The following UPF2 variants were observed in gnomAD, a reference collection of about 807,000 sequenced individuals.
The protein encoded by UPF2 is regulator of nonsense transcripts 2.
Under a neutral mutation model 141.4 loss-of-function variants are expected in UPF2, and 17 were observed. The observed-to-expected ratio is 0.12, with a 90% CI of 0.08 to 0.18. UPF2 has a LOEUF of 0.18. UPF2 is among the 10% of genes least tolerant of loss of function. UPF2 has a pLI of 1.00. For synonymous variants in UPF2, 540 were observed against 498.0 expected (o/e 1.08, Z -1.12); for missense variants, 1,152 against 1,515.9 (o/e 0.76, Z 3.99).
At chr10:11,984,129 GTCAGGGTGGTCTGGAATCCTGACT>G (rs1157656858) in intron 8 of UPF2, among the ~76,000 whole-genome samples, 2 of 152,028 alleles carry the variant, frequency 1.3e-5, no homozygotes, top group Non-Finnish European at 2.9e-5. Flanking sequence ...CTCCATGTTG[GTCAGGGTGGTCTGGAATCCTGACT>G]TCAGGTGACC....
At chr10:12,010,940 C>T (rs1471875805) in intron 4 of UPF2, among the ~76,000 whole-genome samples, 1 of 151,712 alleles carries the variant, frequency 6.6e-6, no homozygotes, top group East Asian at 1.9e-4. Flanking sequence ...CTTTAAAGTA[C>T]TGAAAGAAAA....
chr10:11,961,013 C>G (rs908094363), intron 11 of UPF2, among the ~76,000 whole-genome samples: 1 of 151,184 alleles, frequency 6.6e-6, no homozygotes, highest in African/African-American at 2.4e-5. Flanking sequence ...TCACTTGAGC[C>G]CAGGAGTTGG....
Position 11,940,557 on chromosome 10 carries a change from T to C in UPF2, c.3378+2108A>G, listed in dbSNP as rs933157960. 1.3e-5 allele frequency among the ~76,000 whole-genome samples: 2 copies of C among 151,938 alleles called. No individual in the cohort carries two copies. Among genetic ancestry groups the C allele is most frequent in the African/African-American group, 2.4e-5 (1 of 41,188 alleles). ...TTTTGCTCATTGGTCCCTTGTTTCC[T>C]GTCCCAGAGATTAGCCAGTGGCCCA... On this transcript the variant is annotated intron_variant, in intron 18 of 21. Transcript: ENST00000357604. This position sits in a 1 kb window ranked among gnomAD's most constrained non-coding sequence, Gnocchi z 4.2.
At position 11,979,767 on chromosome 10, in the gene UPF2, T is replaced by C. The variant is rs1439355228; in HGVS notation, c.1845-602A>G. Among the ~76,000 whole-genome samples the C allele has an allele frequency of 1.3e-5, 2 of 152,116 alleles. No homozygotes were observed. The highest frequency in any genetic ancestry group is 2.9e-5 in the Non-Finnish European group (2 of 68,022). On this transcript the variant is annotated intron_variant, in intron 8 of 21. Coordinates refer to ENST00000357604, the MANE Select transcript of UPF2 (RefSeq NM_015542.4). This position sits in a 1 kb window ranked among gnomAD's most constrained non-coding sequence, Gnocchi z 6.2. ...TAAAAATAAAAAAATTAGACAGGTA[T>C]GGTGGCATGCGCCTGTAGTCACAGC...
Position 12,016,099 on chromosome 10 carries a change from GC to G in UPF2, c.1146-1916del, listed in dbSNP as rs1431641471. 2.0e-5 allele frequency among the ~76,000 whole-genome samples: 3 copies of G among 151,996 alleles called. No homozygotes were observed. The highest frequency in any genetic ancestry group is 4.4e-5 in the Non-Finnish European group (3 of 68,032). On this transcript the variant is annotated intron_variant, in intron 3 of 21. Transcript: ENST00000357604. This position sits in a 1 kb window ranked among gnomAD's most constrained non-coding sequence, Gnocchi z 4.1. ...TTAAAAATTAAAACAAAAACCCATA[GC>G]ATTTTAACATACTCATACCTATGAA...
intron 9 of UPF2, among the ~76,000 whole-genome samples, chr10:11,972,400 T>C (rs1417857289): frequency 1.3e-5 from 2 of 152,240 alleles, no homozygotes; most frequent in African/African-American, 4.8e-5. Flanking sequence ...ATTATTATTA[T>C]ACTTTAAGTT....
In UPF2 at chr10:11,992,506, C is replaced by T. The variant is rs968544619; in HGVS notation, c.1844+5166G>A. ...ACTGTCTAAATAAATAATCGCTAAG[C>T]AAACTTACAATCATAAAGTAATAAA... On this transcript the variant is annotated intron_variant, in intron 8 of 21. Coordinates refer to ENST00000357604, the MANE Select transcript of UPF2 (RefSeq NM_015542.4). This position sits in a 1 kb window ranked among gnomAD's most constrained non-coding sequence, Gnocchi z 4.1. 6.6e-6 allele frequency among the ~76,000 whole-genome samples: 1 copy of T among 152,046 alleles called. No homozygotes were observed. The highest frequency in any genetic ancestry group is 2.4e-5 in the African/African-American group (1 of 41,420).
At chr10:12,030,543 A>AAATAATAAT (rs141050401) in intron 2 of UPF2, among the ~76,000 whole-genome samples, 72 of 148,974 alleles carry the variant, frequency 4.8e-4, no homozygotes, top group Non-Finnish European at 8.7e-4. Flanking sequence ...CTGCCTCAAA[A>AAATAATAAT]AATAATAATA....
chr10:11,932,428 G>T (rs956747339), intron 19 of UPF2, among the ~76,000 whole-genome samples: 2 of 152,008 alleles, frequency 1.3e-5, no homozygotes, highest in African/African-American at 4.8e-5. Flanking sequence ...TCTTATTCAC[G>T]TATAAGATTA....
Position 12,001,782 on chromosome 10 carries a change from A to G in UPF2, c.1548T>C (p.Asp516=). Residue 516 remains aspartate (D), a synonymous_variant, in exon 6 of 22, where the codon GAT becomes GAC. Transcript: ENST00000357604. ...GATTCTCCAACTCAAGTTCCAAATC[A>G]TCGGGACTTGATACCTCCTTATTCT... ...SKENKEVSSP[D]DLELELENLE... 2.5e-6 allele frequency: 4 copies of G among 1,612,356 alleles called. No homozygotes were observed. Among genetic ancestry groups the G allele is most frequent in the Non-Finnish European group, 3.4e-6 (4 of 1,179,276 alleles).
chr10:12,017,484 G>A (rs1388714326), intron 3 of UPF2, among the ~76,000 whole-genome samples: 2 of 152,192 alleles, frequency 1.3e-5, no homozygotes, highest in Non-Finnish European at 2.9e-5. Flanking sequence ...TCCATTAAAA[G>A]TGATTTCATT....
At chr10:11,932,350 T>C (rs1039368786) in intron 19 of UPF2, among the ~76,000 whole-genome samples, 7 of 151,976 alleles carry the variant, frequency 4.6e-5, no homozygotes, top group Non-Finnish European at 1.0e-4. Flanking sequence ...ATCACAATAA[T>C]AAAATAGTAT....
rs1834750200 is a variant in UPF2, at chr10:12,042,314, G to A, written c.-19+441C>T. On this transcript the variant is annotated intron_variant, in intron 1 of 21. Coordinates refer to ENST00000357604, the MANE Select transcript of UPF2 (RefSeq NM_015542.4). The surrounding 1 kb of genome is among the most constrained non-coding windows in gnomAD (Gnocchi z 5.5). ...CTCCCTCGCCACAGAAGCCTTCCCG[G>A]CCGGTCTCCCCACTCCGCAGCCTCC... 6.6e-6 allele frequency among the ~76,000 whole-genome samples: 1 copy of A among 151,956 alleles called. No homozygotes were observed.
intron 21 of UPF2, among the ~76,000 whole-genome samples, chr10:11,927,196 C>G (rs1832724147): frequency 6.6e-6 from 1 of 152,030 alleles, no homozygotes; most frequent in Admixed American, 6.5e-5. Flanking sequence ...ACTGGATGCC[C>G]CTTATGTCAT....
chr10:11,943,477 T>G (rs937110812), intron 16 of UPF2, among the ~76,000 whole-genome samples: 1 of 152,166 alleles, frequency 6.6e-6, no homozygotes, highest in Non-Finnish European at 1.5e-5. Context: ...CTGAAACAAA[T>G]CTGGAGAGGC....
Position 11,920,624 on chromosome 10 carries a change from C to A in UPF2, c.*674G>T, listed in dbSNP as rs988945465. 2 of 197,040 alleles carry A rather than the reference C, an allele frequency of 1.0e-5. No homozygotes were observed. The highest frequency in any genetic ancestry group is 2.3e-5 in the African/African-American group (1 of 42,662). 12.2% of individuals were successfully genotyped at this position (197,040 alleles called of 1,614,324 possible). ...ATAGTAAAATAGTCTCCACATTTTTCTTTTACCTTAATAGGCAATTTTATA... is the reference window on the plus strand; with the variant it reads ...ATAGTAAAATAGTCTCCACATTTTTATTTTACCTTAATAGGCAATTTTATA... On this transcript the variant is annotated 3_prime_UTR_variant, in exon 22 of 22. Coordinates refer to ENST00000357604, the MANE Select transcript of UPF2 (RefSeq NM_015542.4).
At chr10:11,966,966 A>C (rs1360342519) in intron 10 of UPF2, among the ~76,000 whole-genome samples, 2 of 152,238 alleles carry the variant, frequency 1.3e-5, no homozygotes, top group Non-Finnish European at 2.9e-5. Context: ...CAGAGAAACC[A>C]GCTTTCATTT....
At chr10:12,031,173 C>CA (rs1230080718) in intron 2 of UPF2, among the ~76,000 whole-genome samples, 2,076 of 28,952 alleles carry the variant, frequency 0.072, 166 homozygotes, top group African/African-American at 0.1. Context: ...GACTCCATCT[C>CA]AAAAAAAAAA....
At position 11,956,392 on chromosome 10, in the gene UPF2, T is replaced by C. The variant is rs185651535; in HGVS notation, c.2502A>G (p.Leu834=). The C allele has an allele frequency of 8.4e-4, 1,354 of 1,614,178 alleles. 29 individuals are homozygous for C. In the South Asian group the frequency reaches 0.014, roughly 17 times the overall value. Residue 834 remains leucine (L), a synonymous_variant, in exon 13 of 22, where the codon CTA becomes CTG. Coordinates refer to ENST00000357604, the MANE Select transcript of UPF2 (RefSeq NM_015542.4). This position sits in a 1 kb window ranked among gnomAD's most constrained non-coding sequence, Gnocchi z 4.2. The stretch of plus-strand genomic sequence containing the variant: ...TCCCAACATCCTCTTGGTAGAGCAC[T>C]AGTCCTGCTAAGAGGTTGGCTACAC... ...IHCVANLLAG[L]VLYQEDVGIH...
Sources: gnomAD v4.1 joint callset for allele counts (sites outside exome capture counted in the v4.1 genomes callset) on GRCh38, gnomAD v4.1.1 for gene constraint, Gnocchi (gnomAD v3.1) non-coding constraint, MANE v1.5 for transcripts, NCBI Gene and HGNC (gene_info 2026-07-23, HGNC 2026-07-21) for gene names.